The following ARL9 variants were observed in gnomAD, a reference collection of about 807,000 sequenced individuals.
ARL9 encodes the protein ADP-ribosylation factor-like protein 9.
Under a neutral mutation model 27.0 loss-of-function variants are expected in ARL9, and 14 were observed. That is an observed-to-expected ratio of 0.52 (90% CI 0.34 to 0.81). The LOEUF is 0.81. Among genes scored for constraint, ARL9 ranks in the 30% least tolerant of loss-of-function variants. The pLI, the probability that ARL9 is intolerant of heterozygous loss-of-function variation, is 0.01. For missense variants in ARL9, 294 were observed against 290.0 expected, an observed-to-expected ratio of 1.01 and a Z score of -0.10; for synonymous variants, 106 against 108.7, an observed-to-expected ratio of 0.98 and a Z score of 0.15.
intron 2 of ARL9, 63 bp downstream of exon 2, chr4:56,511,410 A>T: frequency 4.7e-6 from 7 of 1,490,096 alleles, no homozygotes; most frequent in Non-Finnish European, 6.4e-6. Context: ...GCCAGATATG[A>T]TGTTAGCAAC....
chr4:56,519,582 C>T (rs1001754171), intron 3 of ARL9, among the ~76,000 whole-genome samples: 6 of 151,932 alleles, frequency 3.9e-5, no homozygotes, highest in African/African-American at 1.5e-4. Flanking sequence ...TGCACTCCAG[C>T]CTGGGCGACA....
At chr4:56,523,136 A>C (rs1721972249) in intron 3 of ARL9, among the ~76,000 whole-genome samples, 1 of 152,244 alleles carries the variant, frequency 6.6e-6, no homozygotes, top group Non-Finnish European at 1.5e-5. Context: ...CTGTAATCCC[A>C]GCAGTTAGGG....
intron 2 of ARL9, among the ~76,000 whole-genome samples, chr4:56,516,704 G>A (rs1322304240): frequency 6.6e-6 from 1 of 152,158 alleles, no homozygotes; most frequent in African/African-American, 2.4e-5. Flanking sequence ...GCCAAGGTGG[G>A]TGGATCACTG....
At chr4:56,512,659 T>A (rs1196050245) in intron 2 of ARL9, among the ~76,000 whole-genome samples, 1 of 151,602 alleles carries the variant, frequency 6.6e-6, no homozygotes, top group Non-Finnish European at 1.5e-5. Flanking sequence ...CTTGCCTCAG[T>A]CTCCTGAGTA....
intron 3 of ARL9, 144 bp from the exon 4 acceptor site, chr4:56,523,553 G>A (rs1293515152): frequency 4.9e-6 from 3 of 609,664 alleles, no homozygotes; most frequent in Non-Finnish European, 8.4e-6. Context: ...ACAACCTCTG[G>A]GCTCATAATA....
In ARL9 at chr4:56,518,773, T is replaced by C. The variant is rs7672037; in HGVS notation, c.538T>C (p.Leu180=). 1.6e-4 allele frequency: 259 copies of C among 1,614,002 alleles called. No homozygotes were observed. In the African/African-American group the frequency reaches 3.1e-3, roughly 20 times the overall value. ...GGTGGATTCAGCAGATCACAGCCGA[T>C]TACCTGAAGCCAAGAAATACCTTCA... ...FVVDSADHSR[L]PEAKKYLHQL... is the part of the protein sequence containing the mutation. Residue 180 remains leucine, a synonymous_variant, in exon 3 of 4, where the codon TTA becomes CTA. Coordinates refer to ENST00000640821, the MANE Select transcript of ARL9 (RefSeq NM_001363794.2).
rs150787126 is a variant in ARL9, at chr4:56,520,309, G to T, written c.618+1456G>T. On this transcript the variant is annotated intron_variant, in intron 3 of 3. Transcript: ENST00000640821. ...TGAACCACCGCACCTGGCTACAATG[G>T]GATCTTGTTCAGCCTTAAAAGGGAA... Among the ~76,000 whole-genome samples, 18 of 152,110 alleles carry T rather than the reference G, an allele frequency of 1.2e-4. No homozygotes were observed. In the East Asian group the frequency reaches 3.3e-3, roughly 28 times the overall value.
At chr4:56,518,515 A>G (rs527831654) in intron 2 of ARL9, among the ~76,000 whole-genome samples, 163 bp from the exon 3 acceptor site, 2 of 152,174 alleles carry the variant, frequency 1.3e-5, no homozygotes, top group Non-Finnish European at 2.9e-5. Flanking sequence ...TACCGCTAAC[A>G]TGCCTCTGGT....
intron 3 of ARL9, among the ~76,000 whole-genome samples, chr4:56,521,002 G>A (rs1328190585): frequency 6.6e-6 from 1 of 152,046 alleles, no homozygotes; most frequent in East Asian, 1.9e-4. Flanking sequence ...AGGAGGTCAG[G>A]AGTTCGAGAC....
chr4:56,510,408 C>G (rs1040522776), intron 1 of ARL9, among the ~76,000 whole-genome samples: 7 of 150,596 alleles, frequency 4.6e-5, no homozygotes, highest in African/African-American at 1.7e-4. Context: ...ATCTTACAAT[C>G]TAGTTATTCA....
rs200490318 is a variant in ARL9 at position 56,515,179 on chromosome 4, A to AG, written c.443-3497dup. Among the ~76,000 whole-genome samples, 65 of 151,790 alleles carry AG rather than the reference A, an allele frequency of 4.3e-4. 1 individual carries two copies. The East Asian group carries it at 0.012, about 29-fold the overall frequency. On this transcript the variant is annotated intron_variant, in intron 2 of 3. Coordinates refer to ENST00000640821, the MANE Select transcript of ARL9 (RefSeq NM_001363794.2). The stretch of plus-strand genomic sequence containing the variant: ...TGAAGCAGAAGAATTGCTTCAACCC[A>AG]GGTGGTGGAGATTGCAGTGGGCTGA...
chr4:56,524,241 T>A lies in ARL9; in HGVS notation c.*365T>A, dbSNP rs1722015619. 6.1e-6 allele frequency: 1 copy of A among 163,542 alleles called. No homozygotes were observed. The highest frequency in any genetic ancestry group is 2.4e-5 in the African/African-American group (1 of 41,914). The allele number at this position is 163,542 out of a possible 1,614,324, so 10.1% of individuals were successfully genotyped here. On this transcript the variant is annotated 3_prime_UTR_variant, in exon 4 of 4. Transcript: ENST00000640821. Reference sequence around the variant, plus strand: ...GAAGTGTGTAGGTTATATGTAAATATGCCATTTTCCATCAGGAGCTTGAGC... The same window carrying A: ...GAAGTGTGTAGGTTATATGTAAATAAGCCATTTTCCATCAGGAGCTTGAGC...
chr4:56,510,747 G>A (rs978681975), intron 1 of ARL9, among the ~76,000 whole-genome samples: 3 of 151,026 alleles, frequency 2.0e-5, no homozygotes, highest in Admixed American at 6.6e-5. Context: ...TGTTCTAGAC[G>A]TATAAAATAT....
At chr4:56,518,532 G>A (rs926864122) in intron 2 of ARL9, 146 bp from the exon 3 acceptor site, 8 of 678,776 alleles carry the variant, frequency 1.2e-5, no homozygotes, top group African/African-American at 1.8e-5. Flanking sequence ...TGGTCACTCT[G>A]AGGACTGGGT....
chr4:56,505,781 C>T (rs1197894951), upstream of ARL9: 38 of 1,348,880 alleles, frequency 2.8e-5, no homozygotes, highest in Non-Finnish European at 3.4e-5. Flanking sequence ...GGGCGTGCAC[C>T]TCGGGAGCCA....
chr4:56,506,521 C>T, intron 1 of ARL9: 2 of 696,430 alleles, frequency 2.9e-6, no homozygotes, highest in Non-Finnish European at 3.5e-6. Context: ...CGAACCCTCC[C>T]CACACGCAGG....
intron 1 of ARL9, among the ~76,000 whole-genome samples, chr4:56,507,714 C>T (rs1721504525): frequency 6.6e-6 from 1 of 151,670 alleles, no homozygotes; most frequent in African/African-American, 2.4e-5. Context: ...TGGCTCACAC[C>T]TGTAATCCCG....
intron 1 of ARL9, among the ~76,000 whole-genome samples, chr4:56,510,123 G>T (rs1329660052): frequency 1.3e-5 from 2 of 151,832 alleles, no homozygotes; most frequent in Non-Finnish European, 1.5e-5. Flanking sequence ...ATTTTGGGAG[G>T]CCAAGGTGGG....
At position 56,511,814 on chromosome 4, in the gene ARL9, T is replaced by TTGTCTTCTCTTTACACAGTCATCC. The variant is rs1179136672; in HGVS notation, c.442+468_442+491dup. Among the ~76,000 whole-genome samples, 3 of 152,248 alleles carry TTGTCTTCTCTTTACACAGTCATCC rather than the reference T, an allele frequency of 2.0e-5. No individual in the cohort carries two copies. The East Asian group carries it at 5.8e-4, about 29-fold the overall frequency. On this transcript the variant is annotated intron_variant, in intron 2 of 3. Coordinates refer to ENST00000640821, the MANE Select transcript of ARL9 (RefSeq NM_001363794.2). ...TCTCCTGAAGTTGGGTCAAGTCCTCTTGTCTTCTCTTTACACAGTCATCCA... is the reference window on the plus strand; with the variant it reads ...TCTCCTGAAGTTGGGTCAAGTCCTCTTGTCTTCTCTTTACACAGTCATCCTGTCTTCTCTTTACACAGTCATCCA...
Sources: allele counts gnomAD v4.1 joint callset (sites outside exome capture counted in the v4.1 genomes callset), GRCh38; gene constraint gnomAD v4.1.1; transcripts MANE v1.5; gene names NCBI Gene and HGNC (gene_info 2026-07-23, HGNC 2026-07-21).